ANKRD28: variants seen among roughly 807,000 people sequenced by gnomAD.
The protein encoded by ANKRD28 is serine/threonine-protein phosphatase 6 regulatory ankyrin repeat subunit A.
In ANKRD28, 44 loss-of-function variants were observed where a neutral mutation model predicts 126.5. The observed-to-expected ratio is 0.35, with a 90% CI of 0.27 to 0.45. ANKRD28 has a LOEUF of 0.45. Among genes scored for constraint, ANKRD28 ranks in the 20% least tolerant of loss-of-function variants. ANKRD28 has a pLI of 1.00. For synonymous variants in ANKRD28, 442 were observed against 468.5 expected (o/e 0.94, Z 0.73); for missense variants, 1,110 against 1,316.6 (o/e 0.84, Z 2.43).
chr3:15,745,717 T>C (rs2057431691), intron 4 of ANKRD28, among the ~76,000 whole-genome samples: 1 of 141,670 alleles, frequency 7.1e-6, no homozygotes, highest in African/African-American at 2.4e-5. Context: ...CATATGAATT[T>C]CAGAATTTTT....
Position 15,814,168 on chromosome 3 carries a change from T to C in ANKRD28, c.28-18862A>G, listed in dbSNP as rs748365871. The C allele has an allele frequency of 1.7e-4, 148 of 866,316 alleles. No individual in the cohort carries two copies. Among genetic ancestry groups the C allele is most frequent in the Non-Finnish European group, 2.2e-4 (146 of 670,444 alleles). The allele number at this position is 866,316 out of a possible 1,614,324, so 53.7% of individuals were successfully genotyped here. A position where few individuals can be genotyped will look rare whatever the true frequency, so the allele number is the denominator to read the frequency against. ...ATGAAAGCTAAGTTACAAGGAGGCTTAAACAGCAACAAACTAACAAATTAC... is the reference window on the plus strand; with the variant it reads ...ATGAAAGCTAAGTTACAAGGAGGCTCAAACAGCAACAAACTAACAAATTAC... On this transcript the variant is annotated intron_variant, in intron 1 of 27. Coordinates refer to the ANKRD28 transcript ENST00000399451. The surrounding 1 kb of genome is among the most constrained non-coding windows in gnomAD (Gnocchi z 4.7).
intron 4 of ANKRD28, among the ~76,000 whole-genome samples, chr3:15,749,341 T>G (rs2057717927): frequency 6.6e-6 from 1 of 151,590 alleles, no homozygotes; most frequent in South Asian, 2.1e-4. Flanking sequence ...CTCGATCTCC[T>G]GACCTCATGA....
chr3:15,832,743 T>C (rs2061232798), intron 1 of ANKRD28, among the ~76,000 whole-genome samples: 1 of 152,244 alleles, frequency 6.6e-6, no homozygotes, highest in African/African-American at 2.4e-5. Flanking sequence ...CGGAGGATAA[T>C]GGGCTCCAAT....
At position 15,714,547 on chromosome 3, in the gene ANKRD28, A is replaced by AC. The variant is rs1553604438; in HGVS notation, c.1075+30dup. ...CTACATTTAAGAAAAAAAAAAAAAAACCCCAAAAAAAAAACAGAAATACTT... is the reference window on the plus strand; with the variant it reads ...CTACATTTAAGAAAAAAAAAAAAAAACCCCCAAAAAAAAAACAGAAATACTT... On this transcript the variant is annotated intron_variant, in intron 9 of 27. Transcript: ENST00000683139. 54 of 1,463,648 alleles carry AC rather than the reference A, an allele frequency of 3.7e-5. No individual in the cohort carries two copies. In the African/African-American group the frequency reaches 3.9e-4, roughly 11 times the overall value. The allele number at this position is 1,463,648 out of a possible 1,614,324, so 90.7% of individuals were successfully genotyped here. A position where few individuals can be genotyped will look rare whatever the true frequency, so the allele number is the denominator to read the frequency against.
chr3:15,731,193 G>T (rs1032990136), intron 6 of ANKRD28, among the ~76,000 whole-genome samples: 1 of 152,176 alleles, frequency 6.6e-6, no homozygotes, highest in African/African-American at 2.4e-5. Flanking sequence ...GTGACACTTA[G>T]CGGGTGAGAA....
At chr3:15,676,222 C>G (rs1002081246) in intron 26 of ANKRD28, 1 of 389,930 alleles carries the variant, frequency 2.6e-6, no homozygotes, top group Non-Finnish European at 4.6e-6. Flanking sequence ...TAGGTCCCAT[C>G]GACAGGTCCC....
intron 6 of ANKRD28, among the ~76,000 whole-genome samples, chr3:15,731,127 G>A (rs147403497): frequency 3.9e-5 from 6 of 152,286 alleles, no homozygotes; most frequent in Non-Finnish European, 8.8e-5. Context: ...AAAACTTGTG[G>A]TGAGGTCCAG....
At position 15,830,452 on chromosome 3, in the gene ANKRD28, A is replaced by G. The variant is rs1190650949; in HGVS notation, c.27+28925T>C. Among the ~76,000 whole-genome samples, 3 of 152,096 alleles carry G rather than the reference A, an allele frequency of 2.0e-5. No homozygotes were observed. The highest frequency in any genetic ancestry group is 4.4e-5 in the Non-Finnish European group (3 of 68,002). On this transcript the variant is annotated intron_variant, in intron 1 of 27. Transcript: ENST00000399451. This position sits in a 1 kb window ranked among gnomAD's most constrained non-coding sequence, Gnocchi z 4.5. ...CAGAGTAGCGCAGCATTAGATTCTC[A>G]TAGGACTGCCAATCCTATTTTGAAT...
rs143994305 is a variant in ANKRD28 at position 15,753,012 on chromosome 3, T to C, written c.281-1192A>G. Reference sequence around the variant, plus strand: ...GAAAAATGAGAGAAAATAAATGAAATGGAGGTGTAAGAAACATCCACAAAT... The same window carrying C: ...GAAAAATGAGAGAAAATAAATGAAACGGAGGTGTAAGAAACATCCACAAAT... On this transcript the variant is annotated intron_variant, in intron 3 of 27. Coordinates refer to ENST00000683139, the MANE Select transcript of ANKRD28 (RefSeq NM_001349278.2). Among the ~76,000 whole-genome samples the C allele has an allele frequency of 3.2e-3, 481 of 152,088 alleles. 4 individuals are homozygous for C. Among genetic ancestry groups the C allele is most frequent in the African/African-American group, 0.01 (420 of 41,504 alleles).
chr3:15,811,394 C>T (rs1378415703), intron 1 of ANKRD28, among the ~76,000 whole-genome samples: 1 of 152,158 alleles, frequency 6.6e-6, no homozygotes, highest in Non-Finnish European at 1.5e-5. Flanking sequence ...AATAAAAGGG[C>T]TTCAGTGAAA....
rs1243394407 is a variant in ANKRD28, at chr3:15,668,238, A to AT, written c.*2031dup. On this transcript the variant is annotated 3_prime_UTR_variant, in exon 28 of 28. Transcript: ENST00000683139. ...CATTTGTTAAGAGGTTAGAGACTGG[A>AT]TGAACCTCAGGTCTCTTTCAATTCT... is the stretch of plus-strand genomic sequence containing the variant. 2 of 152,214 alleles carry AT rather than the reference A, an allele frequency of 1.3e-5. No homozygotes were observed. Among genetic ancestry groups the AT allele is most frequent in the Non-Finnish European group, 2.9e-5 (2 of 68,034 alleles). 9.4% of individuals were successfully genotyped at this position (152,214 alleles called of 1,614,324 possible).
In ANKRD28 at chr3:15,806,647, G is replaced by C. The variant is rs557606129; in HGVS notation, c.28-11341C>G. 2.0e-5 allele frequency among the ~76,000 whole-genome samples: 3 copies of C among 151,876 alleles called. No homozygotes were observed. In the East Asian group the frequency reaches 5.8e-4, roughly 29 times the overall value. On this transcript the variant is annotated intron_variant, in intron 1 of 27. Coordinates refer to the ANKRD28 transcript ENST00000399451. ...AGTGATTCTCCTGCCTCAGCCTCCC[G>C]AGTAGCTGGGATTACAGGCGCATGC...
At chr3:15,757,736 T>G (rs1323708834) in intron 3 of ANKRD28, among the ~76,000 whole-genome samples, 1 of 152,152 alleles carries the variant, frequency 6.6e-6, no homozygotes, top group African/African-American at 2.4e-5. Context: ...GCCCCAGAAC[T>G]GAGAAAAATT....
intron 8 of ANKRD28, among the ~76,000 whole-genome samples, chr3:15,714,894 G>A (rs2072817641): frequency 6.6e-6 from 1 of 152,130 alleles, no homozygotes; most frequent in Admixed American, 6.5e-5. Context: ...AAAATTGGGA[G>A]TGGGACAGTA....
intron 2 of ANKRD28, among the ~76,000 whole-genome samples, chr3:15,780,515 G>A (rs2059492997): frequency 6.6e-6 from 1 of 151,964 alleles, no homozygotes; most frequent in Non-Finnish European, 1.5e-5. Flanking sequence ...CACAAATTCA[G>A]TGCAATCCCT....
intron 18 of ANKRD28, chr3:15,689,690 T>C: frequency 5.0e-6 from 1 of 198,696 alleles, no homozygotes; most frequent in Non-Finnish European, 1.0e-5. Context: ...TTTTATTTCC[T>C]TTTTCACACA....
rs2061168974 is a variant in ANKRD28 at position 15,830,618 on chromosome 3, A to G, written c.27+28759T>C. 6.6e-6 allele frequency among the ~76,000 whole-genome samples: 1 copy of G among 151,914 alleles called. No individual in the cohort carries two copies. The highest frequency in any genetic ancestry group is 2.4e-5 in the African/African-American group (1 of 41,344). ...CCACGGAAAAATTGTCTTCCACGAA[A>G]CTGGTCCCTGGTGCCAAAAACACTG... On this transcript the variant is annotated intron_variant, in intron 1 of 27. Transcript: ENST00000399451. The surrounding 1 kb of genome is among the most constrained non-coding windows in gnomAD (Gnocchi z 4.5).
Position 15,685,342 on chromosome 3 carries a change from G to T in ANKRD28, c.2273C>A (p.Ala758Asp). ...RGRTPIHLSA[A>D]CGHIGVLGAL... ...TCCAAGAACACCAATGTGTCCACAG[G>T]CAGCAGACAGGTGTATAGGCGTCCG... Residue 758 changes from alanine (A) to aspartate (D), a missense_variant, in exon 21 of 28, where the codon GCC becomes GAC. Transcript: ENST00000683139. 1 of 1,614,016 alleles carries T rather than the reference G, an allele frequency of 6.2e-7. No individual in the cohort carries two copies. Among genetic ancestry groups the T allele is most frequent in the Non-Finnish European group, 8.5e-7 (1 of 1,179,870 alleles).
chr3:15,669,499 C>A lies in ANKRD28; in HGVS notation c.*771G>T, dbSNP rs2066160282. 1 of 152,160 alleles carries A rather than the reference C, an allele frequency of 6.6e-6. No individual in the cohort carries two copies. Among genetic ancestry groups the A allele is most frequent in the Non-Finnish European group, 1.5e-5 (1 of 68,030 alleles). The allele number at this position is 152,160 out of a possible 1,614,324, so 9.4% of individuals were successfully genotyped here. A position where few individuals can be genotyped will look rare whatever the true frequency, so the allele number is the denominator to read the frequency against. Reference sequence around the variant, plus strand: ...GGGCAACAGCCTGACCCCAATCCATCTCAATGTCTATGTCACAAGTATTTT... The same window carrying A: ...GGGCAACAGCCTGACCCCAATCCATATCAATGTCTATGTCACAAGTATTTT... On this transcript the variant is annotated 3_prime_UTR_variant, in exon 28 of 28. Transcript: ENST00000683139.
Sources: allele counts gnomAD v4.1 joint callset (sites outside exome capture counted in the v4.1 genomes callset), GRCh38; gene constraint gnomAD v4.1.1; non-coding constraint Gnocchi (gnomAD v3.1); transcripts MANE v1.5; gene names NCBI Gene and HGNC (gene_info 2026-07-23, HGNC 2026-07-21).